Variants in TOM1 observed in about 807,000 individuals in gnomAD.
TOM1 encodes target of Myb protein 1.
Under a neutral mutation model 61.3 loss-of-function variants are expected in TOM1, and 38 were observed. The ratio of observed to expected loss-of-function variants is 0.62; its 90% confidence interval spans 0.48 to 0.81. TOM1 has a LOEUF of 0.81. Among genes scored for constraint, TOM1 ranks in the 40% least tolerant of loss-of-function variants. The pLI, the probability that TOM1 is intolerant of heterozygous loss-of-function variation, is 0.00. For synonymous variants in TOM1, 270 were observed against 268.8 expected, an observed-to-expected ratio of 1.00 and a Z score of -0.04; for missense variants, 591 against 659.6, an observed-to-expected ratio of 0.90 and a Z score of 1.14.
chr22:35,324,412 C>CAAAAA (rs58401864), intron 6 of TOM1, among the ~76,000 whole-genome samples: 2 of 61,176 alleles, frequency 3.3e-5, no homozygotes, highest in African/African-American at 1.0e-4. Flanking sequence ...AGACCTGTTT[C>CAAAAA]AAAAAAAAAA....
Position 35,323,834 on chromosome 22 carries a change from G to T in TOM1, c.568G>T (p.Asp190Tyr). The change falls in exon 6 of 15, where the codon GAC (aspartate) becomes TAC (tyrosine). Residue 190 changes from aspartate to tyrosine, a missense_variant. Coordinates refer to ENST00000449058, the MANE Select transcript of TOM1 (RefSeq NM_005488.3). The surrounding 1 kb of genome is among the most constrained non-coding windows in gnomAD (Gnocchi z 4.2). The stretch of plus-strand genomic sequence containing the variant: ...GGGCACTGACTCCAGCCAGCAAGAG[G>T]ACTCTGGCCAGCATGCTGCCCCTCT... ...SVGTDSSQQEDSGQHAAPLPA... is the reference protein window; with the variant it reads ...SVGTDSSQQEYSGQHAAPLPA... The T allele has an allele frequency of 6.2e-7, 1 of 1,613,116 alleles. No individual in the cohort carries two copies.
At chr22:35,328,916 A>T (rs1928574112) in intron 7 of TOM1, among the ~76,000 whole-genome samples, 1 of 152,096 alleles carries the variant, frequency 6.6e-6, no homozygotes, top group African/African-American at 2.4e-5. Context: ...GAAATAATTG[A>T]CCAATCTTAA....
chr22:35,347,322 C>A lies in TOM1; in HGVS notation c.*113C>A. The A allele has an allele frequency of 8.5e-7, 1 of 1,169,726 alleles. No homozygotes were observed. The highest frequency in any genetic ancestry group is 1.2e-6 in the Non-Finnish European group (1 of 849,674). The allele number at this position is 1,169,726 out of a possible 1,614,324, so 72.5% of individuals were successfully genotyped here. On this transcript the variant is annotated 3_prime_UTR_variant, in exon 15 of 15. Transcript: ENST00000449058. ...TGCTTTGGGGGTGGCTTGTTACCCC[C>A]TTTTCCTCCTCTTTGAAGACGGAGC...
At chr22:35,308,204 G>A (rs112701349) in intron 1 of TOM1, among the ~76,000 whole-genome samples, 1 of 150,992 alleles carries the variant, frequency 6.6e-6, no homozygotes, top group East Asian at 1.9e-4. Flanking sequence ...TTAAGCGCTC[G>A]CTCTTTCTCC....
chr22:35,334,102 A>G (rs929354550), intron 10 of TOM1, among the ~76,000 whole-genome samples: 1 of 152,134 alleles, frequency 6.6e-6, no homozygotes, highest in African/African-American at 2.4e-5. Context: ...ACTGTTCTCT[A>G]ACGCTCACAG....
Position 35,302,786 on chromosome 22 carries a change from T to C in TOM1, c.52+2806T>C, listed in dbSNP as rs1244595136. Among the ~76,000 whole-genome samples, 4 of 152,252 alleles carry C rather than the reference T, an allele frequency of 2.6e-5. No homozygotes were observed. In the East Asian group the frequency reaches 7.7e-4, roughly 29 times the overall value. ...GTAAATTGACAGCAAAACTGAGTCA[T>C]TGAAATTTAAACCAAAGCTGAAGAG... On this transcript the variant is annotated intron_variant, in intron 1 of 14. Transcript: ENST00000449058.
intron 11 of TOM1, chr22:35,335,813 C>T (rs1164064389): frequency 6.5e-6 from 1 of 154,868 alleles, no homozygotes; most frequent in African/African-American, 2.4e-5. Flanking sequence ...TCTGTGGACA[C>T]AGAGGAGGGA....
At chr22:35,308,517 C>T (rs1283023469) in intron 1 of TOM1, among the ~76,000 whole-genome samples, 3 of 152,028 alleles carry the variant, frequency 2.0e-5, no homozygotes, top group Non-Finnish European at 4.4e-5. Context: ...CTCCTGACCT[C>T]GTGATCCTCC....
rs751194991 is a variant in TOM1, at chr22:35,323,072, G to A, written c.261G>A (p.Val87=). The A allele has an allele frequency of 5.0e-5, 81 of 1,614,064 alleles. No individual in the cohort carries two copies. The highest frequency in any genetic ancestry group is 6.8e-5 in the Non-Finnish European group (80 of 1,180,054). Residue 87 remains valine, a synonymous_variant, in exon 4 of 15, where the codon GTG becomes GTA. Transcript: ENST00000449058. The surrounding 1 kb of genome is among the most constrained non-coding windows in gnomAD (Gnocchi z 4.2). ...CVKNCGHRFH[V]LVASQDFVES... is the part of the protein sequence containing the mutation. ...AGAACTGCGGGCACCGCTTCCACGTGCTGGTGGCCAGCCAGGACTTCGTGG... is the reference window on the plus strand; with the variant it reads ...AGAACTGCGGGCACCGCTTCCACGTACTGGTGGCCAGCCAGGACTTCGTGG...
Position 35,323,160 on chromosome 22 carries a change from G to A in TOM1, c.349G>A (p.Val117Met), listed in dbSNP as rs751280686. The A allele has an allele frequency of 6.2e-7, 1 of 1,613,964 alleles. No individual in the cohort carries two copies. The highest frequency in any genetic ancestry group is 2.2e-5 in the East Asian group (1 of 44,876). The change falls in exon 4 of 15, where the codon GTG becomes ATG. Residue 117 changes from valine to methionine, a missense_variant. Val to Met is a conservative substitution (Grantham distance 21). Coordinates refer to ENST00000449058, the MANE Select transcript of TOM1 (RefSeq NM_005488.3). This position sits in a 1 kb window ranked among gnomAD's most constrained non-coding sequence, Gnocchi z 4.2. The stretch of plus-strand genomic sequence containing the variant: ...CCCACCCACCATCGTGCATGACAAA[G>A]TGCTCAACCTCATCCAGGTGAGTGC... ...NNPPTIVHDK[V>M]LNLIQSWADA...
At chr22:35,346,215 G>T (rs758247047) in intron 13 of TOM1, among the ~76,000 whole-genome samples, 77 of 152,228 alleles carry the variant, frequency 5.1e-4, no homozygotes, top group Non-Finnish European at 7.2e-4. Context: ...CACCCAGGAG[G>T]AGGAGGGCGG....
At chr22:35,344,893 T>C (rs1930374954) in intron 12 of TOM1, 1 of 152,352 alleles carries the variant, frequency 6.6e-6, no homozygotes. Flanking sequence ...GCTGCTAGCC[T>C]CACCCTAAGG....
Position 35,323,099 on chromosome 22 carries a change from G to A in TOM1, c.288G>A (p.Glu96=). 6.2e-7 allele frequency: 1 copy of A among 1,614,206 alleles called. No individual in the cohort carries two copies. Among genetic ancestry groups the A allele is most frequent in the Non-Finnish European group, 8.5e-7 (1 of 1,180,044 alleles). The change falls in exon 4 of 15, where the codon GAG becomes GAA. Residue 96 remains glutamate (E), a synonymous_variant. Coordinates refer to ENST00000449058, the MANE Select transcript of TOM1 (RefSeq NM_005488.3). This position sits in a 1 kb window ranked among gnomAD's most constrained non-coding sequence, Gnocchi z 4.2. ...TGGTGGCCAGCCAGGACTTCGTGGA[G>A]AGTGTGCTGGTGAGGACCATCCTGC... ...HVLVASQDFV[E]SVLVRTILPK...
At chr22:35,327,421 T>G in intron 7 of TOM1, 34 bp downstream of exon 7, 5 of 1,478,526 alleles carry the variant, frequency 3.4e-6, no homozygotes, top group Non-Finnish European at 4.7e-6. Context: ...GGGGCTCAGA[T>G]GACTCCTGCC....
Position 35,323,320 on chromosome 22 carries a change from G to A in TOM1, c.366+143G>A. 1 of 1,394,894 alleles carries A rather than the reference G, an allele frequency of 7.2e-7. No individual in the cohort carries two copies. Among genetic ancestry groups the A allele is most frequent in the South Asian group, 1.2e-5 (1 of 80,714 alleles). 86.4% of individuals were successfully genotyped at this position (1,394,894 alleles called of 1,614,324 possible). A position where few individuals can be genotyped will look rare whatever the true frequency, so the allele number is the denominator to read the frequency against. On this transcript the variant is annotated intron_variant, in intron 4 of 14. Coordinates refer to ENST00000449058, the MANE Select transcript of TOM1 (RefSeq NM_005488.3). This position sits in a 1 kb window ranked among gnomAD's most constrained non-coding sequence, Gnocchi z 4.2. Reference sequence around the variant, plus strand: ...CGTCTCGGTTGTCGGCTGGTGGGATGTTCTGTGGGGAGGGAGGCTTGCCAA... The same window carrying A: ...CGTCTCGGTTGTCGGCTGGTGGGATATTCTGTGGGGAGGGAGGCTTGCCAA...
At chr22:35,338,953 A>G (rs1601711419) in intron 12 of TOM1, among the ~76,000 whole-genome samples, 165 bp downstream of exon 12, 1 of 152,162 alleles carries the variant, frequency 6.6e-6, no homozygotes, top group Non-Finnish European at 1.5e-5. Flanking sequence ...GGTTATTCCC[A>G]GTTTATAGCT....
rs987911005 is a variant in TOM1, at chr22:35,300,096, G to A, written c.52+116G>A. ...GCAGGGAGGGCAAGGAGGCTGGCGT[G>A]TAGCTCTCCGACCTGGCTCCGCCCA... is the stretch of plus-strand genomic sequence containing the variant. On this transcript the variant is annotated intron_variant, in intron 1 of 14. Transcript: ENST00000449058. The A allele has an allele frequency of 2.6e-6, 3 of 1,161,148 alleles. No homozygotes were observed. The East Asian group carries it at 7.8e-5, about 30-fold the overall frequency. 71.9% of individuals were successfully genotyped at this position (1,161,148 alleles called of 1,614,324 possible). A position where few individuals can be genotyped will look rare whatever the true frequency, so the allele number is the denominator to read the frequency against.
chr22:35,339,764 C>G (rs999374138), intron 12 of TOM1, among the ~76,000 whole-genome samples: 1 of 151,640 alleles, frequency 6.6e-6, no homozygotes, highest in Non-Finnish European at 1.5e-5. Context: ...ATTAGCCGGG[C>G]GTGGTGGCGG....
chr22:35,316,584 C>T (rs894766591), intron 1 of TOM1, among the ~76,000 whole-genome samples: 4 of 152,222 alleles, frequency 2.6e-5, no homozygotes, highest in Non-Finnish European at 5.9e-5. Flanking sequence ...CCAGTGGTCC[C>T]GGCCATGGCC....
Sources: allele counts gnomAD v4.1 joint callset (sites outside exome capture counted in the v4.1 genomes callset), GRCh38; gene constraint gnomAD v4.1.1; non-coding constraint Gnocchi (gnomAD v3.1); transcripts MANE v1.5; gene names NCBI Gene and HGNC (gene_info 2026-07-23, HGNC 2026-07-21).